MAGI1: variants seen among roughly 807,000 people sequenced by gnomAD.
The protein encoded by MAGI1 is membrane associated guanylate kinase, WW and PDZ domain containing 1.
A neutral mutation model predicts 139.9 loss-of-function variants in MAGI1; 58 were observed. That is an observed-to-expected ratio of 0.41 (90% CI 0.34 to 0.52). The LOEUF is 0.52. Among genes scored for constraint, MAGI1 ranks in the 20% least tolerant of loss-of-function variants. The probability of loss-of-function intolerance (pLI) is 0.12; values close to 1 mark genes in which losing one functional copy is unlikely to be tolerated. For synonymous variants in MAGI1, 812 were observed against 737.9 expected, an observed-to-expected ratio of 1.10 and a Z score of -1.63; for missense variants, 1,874 against 1,901.6, an observed-to-expected ratio of 0.99 and a Z score of 0.27.
At chr3:65,516,315 G>A (rs930240788) in intron 2 of MAGI1, among the ~76,000 whole-genome samples, 2 of 152,016 alleles carry the variant, frequency 1.3e-5, no homozygotes, top group Non-Finnish European at 2.9e-5. Flanking sequence ...AAGTAGCTGG[G>A]ACTACAGGCA....
Position 65,478,684 on chromosome 3 carries a change from G to C in MAGI1, c.665C>G (p.Thr222Ser). 1 of 1,614,036 alleles carries C rather than the reference G, an allele frequency of 6.2e-7. No homozygotes were observed. Among genetic ancestry groups the C allele is most frequent in the South Asian group, 1.1e-5 (1 of 91,080 alleles). Residue 222 changes from threonine to serine, a missense_variant, in exon 4 of 23, where the codon ACC becomes AGC. By Grantham distance (58) the Thr-to-Ser change is moderately conservative (BLOSUM62 1). Around this residue, in one of 5 missense-constraint regions of MAGI1, gnomAD observed 648 missense variants for 598.1 expected, o/e 1.08. Coordinates refer to ENST00000402939, the MANE Select transcript of MAGI1 (RefSeq NM_001033057.2). ...SGSKQSTPKR[T>S]KSYNDMQNAG... The stretch of plus-strand genomic sequence containing the variant: ...ATTTTGCATATCATTGTAGGACTTG[G>C]TTCGCTTCGGGGTCGACTGCTTAGA...
At chr3:65,468,447 C>T (rs1950324886) in intron 5 of MAGI1, among the ~76,000 whole-genome samples, 1 of 139,426 alleles carries the variant, frequency 7.2e-6, no homozygotes, top group Non-Finnish European at 1.5e-5. Flanking sequence ...GCAATCTCGG[C>T]TCACTGCAAC....
intron 12 of MAGI1, among the ~76,000 whole-genome samples, chr3:65,409,353 A>T (rs1353337356): frequency 6.6e-6 from 1 of 152,156 alleles, no homozygotes; most frequent in Non-Finnish European, 1.5e-5. Context: ...CGATATGAAG[A>T]AGGGGGCAGA....
intron 1 of MAGI1, among the ~76,000 whole-genome samples, chr3:65,941,854 G>A (rs1430724447): frequency 6.6e-6 from 1 of 152,130 alleles, no homozygotes; most frequent in Non-Finnish European, 1.5e-5. Flanking sequence ...TGCAGTGGTG[G>A]AATCTTGGCT....
chr3:65,421,652 A>C (rs1946637142), intron 12 of MAGI1, among the ~76,000 whole-genome samples: 1 of 152,224 alleles, frequency 6.6e-6, no homozygotes, highest in Non-Finnish European at 1.5e-5. Context: ...GATTAAAGGT[A>C]CTTTAATGAA....
intron 13 of MAGI1, 149 bp from the exon 14 acceptor site, chr3:65,391,507 C>T (rs1943918159): frequency 6.2e-6 from 4 of 648,052 alleles, no homozygotes; most frequent in Non-Finnish European, 1.1e-5. Flanking sequence ...CCAGCTAATG[C>T]TGAATGTAGA....
chr3:65,776,332 C>T lies in MAGI1; in HGVS notation c.314-154244G>A, dbSNP rs1374885078. Among the ~76,000 whole-genome samples, 7 of 147,976 alleles carry T rather than the reference C, an allele frequency of 4.7e-5. No homozygotes were observed. In the East Asian group the frequency reaches 5.9e-4, roughly 12 times the overall value. On this transcript the variant is annotated intron_variant, in intron 1 of 22. Transcript: ENST00000402939. The stretch of plus-strand genomic sequence containing the variant: ...CAATTGTTTTTTTAAAAAGGCCACA[C>T]AAATATTAATGTCAAAAAAAAGTGA...
intron 1 of MAGI1, among the ~76,000 whole-genome samples, chr3:65,868,703 A>G (rs985304094): frequency 7.9e-5 from 12 of 152,204 alleles, no homozygotes; most frequent in Admixed American, 7.9e-4. Flanking sequence ...ACCACAGGCC[A>G]TTACAGGGCA....
chr3:65,959,046 G>C (rs1253319371), intron 1 of MAGI1, among the ~76,000 whole-genome samples: 1 of 151,486 alleles, frequency 6.6e-6, no homozygotes, highest in African/African-American at 2.4e-5. Context: ...AGAAAGAATT[G>C]TGGTGCTTCT....
intron 1 of MAGI1, among the ~76,000 whole-genome samples, chr3:65,645,821 T>C (rs896588656): frequency 2.6e-5 from 4 of 152,200 alleles, no homozygotes; most frequent in Middle Eastern, 3.4e-3. Context: ...TTATTTTATA[T>C]ACTTTTGAGT....
At chr3:65,910,855 C>CTTTTGTTTTTTT (rs2061633901) in intron 1 of MAGI1, among the ~76,000 whole-genome samples, 1 of 59,484 alleles carries the variant, frequency 1.7e-5, no homozygotes, top group Non-Finnish European at 2.7e-5. Flanking sequence ...ACATGGTGGA[C>CTTTTGTTTTTTT]TTTTTTTTTT....
At chr3:65,801,651 G>T (rs1010041814) in intron 1 of MAGI1, among the ~76,000 whole-genome samples, 1 of 152,014 alleles carries the variant, frequency 6.6e-6, no homozygotes, top group Non-Finnish European at 1.5e-5. Context: ...CTAACCCAAT[G>T]GCTCTCAACT....
At chr3:65,872,883 C>T (rs1314854878) in intron 1 of MAGI1, 3 of 151,918 alleles carry the variant, frequency 2.0e-5, no homozygotes, top group African/African-American at 7.3e-5. Flanking sequence ...ATAGAAGAAC[C>T]GGAACAGTGC....
intron 1 of MAGI1, among the ~76,000 whole-genome samples, chr3:65,694,034 T>C (rs2088922228): frequency 6.6e-6 from 1 of 152,140 alleles, no homozygotes; most frequent in African/African-American, 2.4e-5. Context: ...AACACTTTCT[T>C]AACGGAGGAC....
chr3:65,970,932 C>T (rs565905832), intron 1 of MAGI1, among the ~76,000 whole-genome samples: 149 of 152,264 alleles, frequency 9.8e-4, no homozygotes, highest in Non-Finnish European at 1.9e-3. Flanking sequence ...AGGCTGGGCA[C>T]GGTGGCTCAT....
chr3:65,624,128 T>C (rs2083835325), intron 1 of MAGI1, among the ~76,000 whole-genome samples: 1 of 152,212 alleles, frequency 6.6e-6, no homozygotes, highest in Non-Finnish European at 1.5e-5. Flanking sequence ...AAGTATCAAG[T>C]GTTGGCAAGG....
At chr3:66,009,405 G>A (rs1293550245) in intron 1 of MAGI1, among the ~76,000 whole-genome samples, 2 of 152,246 alleles carry the variant, frequency 1.3e-5, no homozygotes, top group East Asian at 3.9e-4. Context: ...AGCTACCCGG[G>A]AGGCTGAGGC....
rs560396556 is a variant in MAGI1, at chr3:65,932,855, AGG to A, written c.313+105139_313+105140del. ...AGATAATAAATTATCCTTCCTGCTT[AGG>A]CTATTACTTGCAACCAAAGCTGATT... is the stretch of plus-strand genomic sequence containing the variant. On this transcript the variant is annotated intron_variant, in intron 1 of 22. Transcript: ENST00000402939. Among the ~76,000 whole-genome samples, 41 of 151,198 alleles carry A rather than the reference AGG, an allele frequency of 2.7e-4. 1 individual carries two copies. The South Asian group carries it at 8.5e-3, about 31-fold the overall frequency.
At chr3:65,643,026 A>G (rs2085066472) in intron 1 of MAGI1, among the ~76,000 whole-genome samples, 1 of 152,236 alleles carries the variant, frequency 6.6e-6, no homozygotes, top group Admixed American at 6.5e-5. Context: ...AAGTAGAAAA[A>G]TATTTTCAAA....
Sources: allele counts gnomAD v4.1 joint callset (sites outside exome capture counted in the v4.1 genomes callset), GRCh38; gene constraint gnomAD v4.1.1; regional missense constraint gnomAD v4.1.1; transcripts MANE v1.5; gene names NCBI Gene and HGNC (gene_info 2026-07-23, HGNC 2026-07-21).